RPL10: variants seen among roughly 807,000 people sequenced by gnomAD.
The protein encoded by RPL10 is ribosomal protein L10, also known as large ribosomal subunit protein uL16.
Under a neutral mutation model 15.7 loss-of-function variants are expected in RPL10, and 1 was observed. That is an observed-to-expected ratio of 0.06 (90% confidence interval 0.02 to 0.30). The LOEUF is 0.30. Ranked by LOEUF, RPL10 falls within the 10% of genes least tolerant of loss-of-function variation. RPL10 has a pLI of 1.00. For missense variants in RPL10, 54 were observed against 183.4 expected, an observed-to-expected ratio of 0.29 and a Z score of 4.08; for synonymous variants, 59 against 64.0, an observed-to-expected ratio of 0.92 and a Z score of 0.37.
At chrX:154,400,297 C>T (rs782020941) in intron 5 of RPL10, 167 bp from the exon 6 acceptor site, 5 of 624,626 alleles carry the variant, frequency 8.0e-6, no homozygotes, top group Non-Finnish European at 1.3e-5. Context: ...CCAATTAAGC[C>T]GACTGAGTTC....
chrX:154,399,882 G>C lies in RPL10; in HGVS notation c.270G>C (p.Arg90=). ...AAGATGGCTTCCATATCCGGGTGCG[G>C]CTCCACCCCTTCCACGTCATCCGCA... The part of the protein sequence containing the change: ...CGKDGFHIRV[R]LHPFHVIRIN... The change falls in exon 5 of 7, where the codon CGG becomes CGC. Residue 90 remains arginine (R), a synonymous_variant. Coordinates refer to ENST00000369817, the MANE Select transcript of RPL10 (RefSeq NM_006013.5). 8.2e-7 allele frequency: 1 copy of C among 1,212,175 alleles called. No individual in the cohort carries two copies. Among genetic ancestry groups the C allele is most frequent in the Non-Finnish European group, 1.1e-6 (1 of 895,543 alleles).
At chrX:154,400,661 G>A in intron 6 of RPL10, 35 bp downstream of exon 6, 1 of 1,211,147 alleles carries the variant, frequency 8.3e-7, no homozygotes, top group Non-Finnish European at 1.1e-6. Context: ...TCCCACCTTT[G>A]CCCCAGGCCT....
intron 1 of RPL10, 49 bp downstream of exon 1, chrX:154,398,443 C>A: frequency 8.6e-7 from 1 of 1,164,526 alleles, no homozygotes; most frequent in Non-Finnish European, 1.2e-6. Flanking sequence ...CTGGTTCTCA[C>A]ACCTTTTAGG....
chrX:154,398,788 C>A (rs782777902), intron 2 of RPL10: 209 of 441,569 alleles, frequency 4.7e-4, no homozygotes, highest in Non-Finnish European at 7.7e-4. Flanking sequence ...GCAAGCTCAC[C>A]GCATTTTCGG....
intron 2 of RPL10, 100 bp downstream of exon 2, chrX:154,398,642 C>T (rs1279791532): frequency 2.3e-5 from 24 of 1,049,800 alleles, no homozygotes; most frequent in Non-Finnish European, 3.2e-5. Flanking sequence ...CTCCCCCGTG[C>T]GGCGGCCCTG....
rs782404586 is a variant in RPL10 at position 154,399,438 on chromosome X, C to G, written c.82+42C>G. ...CCCCTGCACTGGTTGGCTCTGCGGA[C>G]TCCGCGTCCGTCTGTGACACCCCCT... is the stretch of plus-strand genomic sequence containing the variant. On this transcript the variant is annotated intron_variant, in intron 3 of 6. Transcript: ENST00000369817. 4 of 1,208,989 alleles carry G rather than the reference C, an allele frequency of 3.3e-6. No homozygotes were observed. The South Asian group carries it at 7.0e-5, about 21-fold the overall frequency.
At chrX:154,399,464 G>A in intron 3 of RPL10, 23 bp from the exon 4 acceptor site, 1 of 1,210,656 alleles carries the variant, frequency 8.3e-7, no homozygotes, top group Non-Finnish European at 1.1e-6. Flanking sequence ...GACACCCCCT[G>A]CACACTTACC....
chrX:154,401,090 T>C lies in RPL10; in HGVS notation c.*236T>C. On this transcript the variant is annotated 3_prime_UTR_variant, in exon 7 of 7. Coordinates refer to ENST00000369817, the MANE Select transcript of RPL10 (RefSeq NM_006013.5). ...TCAGTTGTCTACTCTGGAGCTTGAC[T>C]TGGACCTCCCCAGGTCCTAGGCAGT... 1 of 928,807 alleles carries C rather than the reference T, an allele frequency of 1.1e-6. No homozygotes were observed. The highest frequency in any genetic ancestry group is 1.5e-6 in the Non-Finnish European group (1 of 686,450). The allele number at this position is 928,807 out of a possible 1,213,427, so 76.5% of individuals were successfully genotyped here.
At chrX:154,398,232 G>A, upstream of RPL10, 1 of 487,576 alleles carries the variant, frequency 2.1e-6, no homozygotes. Context: ...CATGTGCTGG[G>A]CTACGCCCGG....
intron 3 of RPL10, 24 bp from the exon 4 acceptor site, chrX:154,399,463 T>G (rs1557185285): frequency 8.3e-7 from 1 of 1,211,078 alleles, no homozygotes; most frequent in Non-Finnish European, 1.1e-6. Context: ...TGACACCCCC[T>G]GCACACTTAC....
At chrX:154,399,244 C>G (rs2067971530) in intron 2 of RPL10, 94 bp from the exon 3 acceptor site, 1 of 902,079 alleles carries the variant, frequency 1.1e-6, no homozygotes, top group African/African-American at 2.0e-5. Context: ...CCACCCTTTT[C>G]CCGTCCCTCG....
At chrX:154,398,893 G>C (rs1304957638) in intron 2 of RPL10, 3 of 368,573 alleles carry the variant, frequency 8.1e-6, no homozygotes, top group Admixed American at 9.4e-5. Flanking sequence ...GGCAGTCCGG[G>C]AAAAACGGGT....
chrX:154,399,731 G>A, intron 4 of RPL10, 72 bp from the exon 5 acceptor site: 1 of 1,187,228 alleles, frequency 8.4e-7, no homozygotes, highest in Non-Finnish European at 1.1e-6. Flanking sequence ...GTTCCCCTGA[G>A]CTGGAGATAG....
In RPL10 at chrX:154,400,990, C is replaced by T. The variant is rs782754427; in HGVS notation, c.*136C>T. On this transcript the variant is annotated 3_prime_UTR_variant, in exon 7 of 7. Coordinates refer to ENST00000369817, the MANE Select transcript of RPL10 (RefSeq NM_006013.5). ...CCTTTGGGTCATTGCCCTTTCACTT[C>T]AGAAACAGGTTGACAACTCAGCCCT... 1.7e-6 allele frequency: 2 copies of T among 1,165,432 alleles called. No homozygotes were observed. Among genetic ancestry groups the T allele is most frequent in the Non-Finnish European group, 2.3e-6 (2 of 872,700 alleles).
At position 154,401,972 on chromosome X, in the gene RPL10, G is replaced by A. The variant is rs2068050034; in HGVS notation, c.*1118G>A. The A allele has an allele frequency of 8.9e-6, 1 of 111,739 alleles. No individual in the cohort carries two copies. Among genetic ancestry groups the A allele is most frequent in the African/African-American group, 3.3e-5 (1 of 30,616 alleles). The allele number at this position is 111,739 out of a possible 1,213,427, so 9.2% of individuals were successfully genotyped here. A position where few individuals can be genotyped will look rare whatever the true frequency, so the allele number is the denominator to read the frequency against. Reference sequence around the variant, plus strand: ...CGGCATGCTGCTGGCATTTTGCTGTGTCCTGCAGCCCCTTTCCGGGACACC... The same window carrying A: ...CGGCATGCTGCTGGCATTTTGCTGTATCCTGCAGCCCCTTTCCGGGACACC... On this transcript the variant is annotated 3_prime_UTR_variant, in exon 7 of 7. Transcript: ENST00000369817.
rs1403820922 is a variant in RPL10, at chrX:154,401,682, T to C, written c.*828T>C. On this transcript the variant is annotated 3_prime_UTR_variant, in exon 7 of 7. Transcript: ENST00000369817. Reference sequence around the variant, plus strand: ...AAGGCTTTTGGTCCCAGAGCTGGGGTATGTTGGCCCCAGCCCCCAGCCTGT... The same window carrying C: ...AAGGCTTTTGGTCCCAGAGCTGGGGCATGTTGGCCCCAGCCCCCAGCCTGT... 8.9e-6 allele frequency: 1 copy of C among 111,913 alleles called. No individual in the cohort carries two copies. Among genetic ancestry groups the C allele is most frequent in the Non-Finnish European group, 1.9e-5 (1 of 53,073 alleles). 9.2% of individuals were successfully genotyped at this position (111,913 alleles called of 1,213,427 possible). A position where few individuals can be genotyped will look rare whatever the true frequency, so the allele number is the denominator to read the frequency against.
In RPL10 at chrX:154,401,184, G is replaced by T. The variant is rs2068024085; in HGVS notation, c.*330G>T. The T allele has an allele frequency of 8.5e-6, 3 of 354,820 alleles. No homozygotes were observed. Among genetic ancestry groups the T allele is most frequent in the Non-Finnish European group, 1.4e-5 (3 of 209,295 alleles). The allele number at this position is 354,820 out of a possible 1,213,427, so 29.2% of individuals were successfully genotyped here. ...GCAAAGCCTTGCAATCCCAGGCTGG[G>T]GTCAGCCTACAGTTGTGTTGCTTAT... On this transcript the variant is annotated 3_prime_UTR_variant, in exon 7 of 7. Coordinates refer to ENST00000369817, the MANE Select transcript of RPL10 (RefSeq NM_006013.5).
Position 154,398,379 on chromosome X carries a change from C to T in RPL10, c.-39C>T, listed in dbSNP as rs782045408. 2.9e-5 allele frequency: 23 copies of T among 786,419 alleles called. No individual in the cohort carries two copies. The highest frequency in any genetic ancestry group is 1.0e-4 in the South Asian group (5 of 48,811). The allele number at this position is 786,419 out of a possible 1,213,427, so 64.8% of individuals were successfully genotyped here. ...GCCATGCGCAGGCGGAGGAGCGCCT[C>T]TTTCCCTTCGGTGTGGTGAGTAAGC... On this transcript the variant is annotated 5_prime_UTR_variant, in exon 1 of 7. Coordinates refer to ENST00000369817, the MANE Select transcript of RPL10 (RefSeq NM_006013.5).
At position 154,398,400 on chromosome X, in the gene RPL10, T is replaced by C. The variant is rs782235819; in HGVS notation, c.-24+6T>C. On this transcript the variant is annotated splice_donor_region_variant and intron_variant, in intron 1 of 6. Coordinates refer to ENST00000369817, the MANE Select transcript of RPL10 (RefSeq NM_006013.5). The stretch of plus-strand genomic sequence containing the variant: ...GCCTCTTTCCCTTCGGTGTGGTGAG[T>C]AAGCGCAGTTGTCGTCTCTTGCGGT... 2.1e-5 allele frequency: 19 copies of C among 904,735 alleles called. No individual in the cohort carries two copies. The highest frequency in any genetic ancestry group is 2.7e-5 in the Non-Finnish European group (17 of 619,827). 74.6% of individuals were successfully genotyped at this position (904,735 alleles called of 1,213,427 possible). A position where few individuals can be genotyped will look rare whatever the true frequency, so the allele number is the denominator to read the frequency against.
Sources: gnomAD v4.1 joint callset for allele counts on GRCh38, gnomAD v4.1.1 for gene constraint, MANE v1.5 for transcripts, NCBI Gene and HGNC (gene_info 2026-07-23, HGNC 2026-07-21) for gene names.